RTL4: variants seen among roughly 807,000 people sequenced by gnomAD.
RTL4 encodes the protein retrotransposon Gag-like protein 4.
In RTL4, 4 loss-of-function variants were observed where a neutral mutation model predicts 5.3. The observed-to-expected ratio is 0.75, with a 90% CI of 0.37 to 1.72. RTL4 has a LOEUF of 1.72. RTL4 is among the 40% of genes most tolerant of loss of function. The probability of loss-of-function intolerance (pLI) is 0.04; values close to 1 mark genes in which losing one functional copy is unlikely to be tolerated. For synonymous variants in RTL4, 98 were observed against 87.3 expected (o/e 1.12, Z -0.68); for missense variants, 260 against 227.1 (o/e 1.14, Z -0.93).
chrX:112,213,719 A>G, the RTL4 span, among the ~76,000 whole-genome samples: 1 of 111,585 alleles, frequency 9.0e-6, no homozygotes, highest in African/African-American at 3.3e-5. Flanking sequence ...TTGTATAACC[A>G]TCATGACCAT....
the RTL4 span, among the ~76,000 whole-genome samples, chrX:112,312,876 C>G: frequency 9.0e-6 from 1 of 110,746 alleles, no homozygotes; most frequent in African/African-American, 3.3e-5. Flanking sequence ...TTTTTCTTCC[C>G]CCATCCCTTT....
chrX:112,437,789 AGTGGTGGTGGTGATG>A, the RTL4 span, among the ~76,000 whole-genome samples: 2 of 72,526 alleles, frequency 2.8e-5, no homozygotes, highest in African/African-American at 1.0e-4. Flanking sequence ...AAGTCATGGT[AGTGGTGGTGGTGATG>A]GTGGTGGTGG....
At chrX:112,103,535 A>G in the RTL4 span, among the ~76,000 whole-genome samples, 695 of 110,310 alleles carry the variant, frequency 6.3e-3, 6 homozygotes, top group African/African-American at 0.021. Flanking sequence ...ACGTTTACCT[A>G]TTTAACAAAC....
chrX:112,452,204 C>T (rs1926750027), upstream of RTL4, among the ~76,000 whole-genome samples: 2 of 106,594 alleles, frequency 1.9e-5, no homozygotes, highest in African/African-American at 6.9e-5. Flanking sequence ...GATTCTCCTG[C>T]CCCAGACTCC....
At chrX:112,418,347 T>C in the RTL4 span, among the ~76,000 whole-genome samples, 2 of 111,270 alleles carry the variant, frequency 1.8e-5, no homozygotes, top group Non-Finnish European at 3.8e-5. Flanking sequence ...TCCTCAACAC[T>C]AGTCTCTGTC....
chrX:112,350,986 T>A, the RTL4 span, among the ~76,000 whole-genome samples: 1 of 111,783 alleles, frequency 8.9e-6, no homozygotes, highest in African/African-American at 3.3e-5. Context: ...TCTTTCCTCC[T>A]TTCTCCTGTG....
the RTL4 span, among the ~76,000 whole-genome samples, chrX:112,442,388 C>T: frequency 9.4e-6 from 1 of 106,932 alleles, no homozygotes; most frequent in Non-Finnish European, 1.9e-5. Flanking sequence ...TTACAGGTGC[C>T]CACCACCACA....
the RTL4 span, among the ~76,000 whole-genome samples, chrX:112,317,501 C>A: frequency 9.0e-6 from 1 of 111,520 alleles, no homozygotes; most frequent in Non-Finnish European, 1.9e-5. Flanking sequence ...ATGGACTCTG[C>A]CTTTCCTTGA....
the RTL4 span, among the ~76,000 whole-genome samples, chrX:112,443,579 A>T: frequency 8.9e-6 from 1 of 111,809 alleles, no homozygotes; most frequent in Admixed American, 9.5e-5. Flanking sequence ...CCTTTCCTCC[A>T]TATCTTCACC....
chrX:112,283,708 T>C, the RTL4 span, among the ~76,000 whole-genome samples: 2,162 of 111,202 alleles, frequency 0.019, 55 homozygotes, highest in African/African-American at 0.065. Flanking sequence ...AATGCCTCTT[T>C]TGATTTATAC....
chrX:112,249,525 C>A, the RTL4 span, among the ~76,000 whole-genome samples: 1 of 110,883 alleles, frequency 9.0e-6, no homozygotes, highest in East Asian at 2.8e-4. Context: ...GCAGATGGCC[C>A]TCCCAAATCA....
At chrX:112,226,754 G>A in the RTL4 span, among the ~76,000 whole-genome samples, 6 of 79,714 alleles carry the variant, frequency 7.5e-5, no homozygotes, top group African/African-American at 1.3e-4. Flanking sequence ...TTCATACTTC[G>A]CATCCTCAAT....
the RTL4 span, among the ~76,000 whole-genome samples, chrX:112,096,848 G>C: frequency 8.9e-6 from 1 of 112,282 alleles, no homozygotes; most frequent in East Asian, 2.8e-4. Context: ...GGTACAATTG[G>C]AAGATGCCAT....
the RTL4 span, among the ~76,000 whole-genome samples, chrX:112,369,342 G>C: frequency 9.0e-6 from 1 of 111,336 alleles, no homozygotes; most frequent in Non-Finnish European, 1.9e-5. Flanking sequence ...CCTTCCTGAG[G>C]GTATGTCTCT....
chrX:112,281,520 T>C, the RTL4 span, among the ~76,000 whole-genome samples: 1 of 111,480 alleles, frequency 9.0e-6, no homozygotes, highest in African/African-American at 3.3e-5. Context: ...GTGGGACTTT[T>C]GGATGATACA....
the RTL4 span, among the ~76,000 whole-genome samples, chrX:112,307,209 T>C: frequency 4.9e-4 from 55 of 112,307 alleles, 1 homozygote; most frequent in African/African-American, 1.8e-3. Context: ...GGCTGTGTTC[T>C]AAGCAGTTAC....
At chrX:112,313,270 CTT>C in the RTL4 span, among the ~76,000 whole-genome samples, 1 of 110,832 alleles carries the variant, frequency 9.0e-6, no homozygotes, top group Non-Finnish European at 1.9e-5. Context: ...AAATTGTTAT[CTT>C]ATGTATTTTA....
chrX:112,109,692 T>G, the RTL4 span, among the ~76,000 whole-genome samples: 1 of 111,593 alleles, frequency 9.0e-6, no homozygotes, highest in Non-Finnish European at 1.9e-5. Flanking sequence ...TCCTCTTGTA[T>G]GACAGAAAAT....
chrX:112,261,553 A>G, the RTL4 span, among the ~76,000 whole-genome samples: 3 of 111,964 alleles, frequency 2.7e-5, no homozygotes, highest in African/African-American at 6.5e-5. Context: ...GGACACAAAC[A>G]AATGGAATTA....
Sources: allele counts gnomAD v4.1 joint callset (sites outside exome capture counted in the v4.1 genomes callset), GRCh38; gene constraint gnomAD v4.1.1; transcripts MANE v1.5; gene names NCBI Gene and HGNC (gene_info 2026-07-23, HGNC 2026-07-21).